The following DUSP8 variants were observed in gnomAD, a reference collection of about 807,000 sequenced individuals.
DUSP8 encodes the protein dual specificity protein phosphatase 8.
In DUSP8, 15 loss-of-function variants were observed where a neutral mutation model predicts 38.7. The observed-to-expected ratio is 0.39, with a 90% CI of 0.26 to 0.60. The LOEUF (loss-of-function observed/expected upper bound fraction) is 0.60. Ranked by LOEUF, DUSP8 falls within the 20% of genes least tolerant of loss-of-function variation. The pLI is 0.56. For missense variants in DUSP8, 768 were observed against 915.0 expected (o/e 0.84, Z 2.07); for synonymous variants, 458 against 433.9 (o/e 1.06, Z -0.69).
intron 1 of DUSP8, among the ~76,000 whole-genome samples, chr11:1,569,880 G>A (rs759963606): frequency 1.3e-5 from 2 of 152,166 alleles, no homozygotes; most frequent in Admixed American, 1.3e-4. Flanking sequence ...GGCAGAAATC[G>A]TCACACTAAG....
Position 1,555,896 on chromosome 11 carries a change from C to T in DUSP8, c.*622G>A, listed in dbSNP as rs1848613886. 1 of 152,396 alleles carries T rather than the reference C, an allele frequency of 6.6e-6. No homozygotes were observed. Among genetic ancestry groups the T allele is most frequent in the East Asian group, 1.9e-4 (1 of 5,172 alleles). The allele number at this position is 152,396 out of a possible 1,614,324, so 9.4% of individuals were successfully genotyped here. A position where few individuals can be genotyped will look rare whatever the true frequency, so the allele number is the denominator to read the frequency against. On this transcript the variant is annotated 3_prime_UTR_variant, in exon 7 of 7. Coordinates refer to ENST00000397374, the MANE Select transcript of DUSP8 (RefSeq NM_004420.3). Reference sequence around the variant, plus strand: ...GGCACCATGAAGCCCAATGCCTGTCCTCCCCTGCCAGAGAACAGCTCTGGG... The same window carrying T: ...GGCACCATGAAGCCCAATGCCTGTCTTCCCCTGCCAGAGAACAGCTCTGGG...
intron 1 of DUSP8, among the ~76,000 whole-genome samples, chr11:1,570,149 G>A (rs879876531): frequency 2.0e-5 from 3 of 152,210 alleles, no homozygotes; most frequent in Non-Finnish European, 4.4e-5. Flanking sequence ...GCAGGGCAGG[G>A]GATGGGAGGA....
Position 1,563,864 on chromosome 11 carries a change from C to A in DUSP8, c.357G>T (p.Val119=). The change falls in exon 3 of 7, where the codon GTG becomes GTT. Residue 119 remains valine (V), a synonymous_variant. Transcript: ENST00000397374. Reference sequence around the variant, plus strand: ...TCATGGACTCACCAGTGAGGATGGCCACGCTGTCGAAGCAGCCGTCCAGCT... The same window carrying A: ...TCATGGACTCACCAGTGAGGATGGCAACGCTGTCGAAGCAGCCGTCCAGCT... The part of the protein sequence containing the change: ...LSKLDGCFDS[V]AILTGGFATF... 6.5e-7 allele frequency: 1 copy of A among 1,534,932 alleles called. No individual in the cohort carries two copies. Among genetic ancestry groups the A allele is most frequent in the African/African-American group, 1.4e-5 (1 of 72,962 alleles).
chr11:1,557,298 C>T lies in DUSP8; in HGVS notation c.1098G>A (p.Ala366=), dbSNP rs917316720. Residue 366 remains alanine (A), a synonymous_variant, in exon 7 of 7, where the codon GCG becomes GCA. Transcript: ENST00000397374. This position sits in a 1 kb window ranked among gnomAD's most constrained non-coding sequence, Gnocchi z 9.9. ...GCAGGCCCTGCTGCAGTGCGCTGGT[C>T]GCCGGGGGCGTGGGGGGCGCGGGGG... The part of the protein sequence containing the change: ...GEPPAPPTPP[A]TSALQQGLRG... The T allele has an allele frequency of 3.4e-6, 5 of 1,470,078 alleles. No individual in the cohort carries two copies. Among genetic ancestry groups the T allele is most frequent in the African/African-American group, 3.0e-5 (2 of 67,346 alleles). The allele number at this position is 1,470,078 out of a possible 1,614,324, so 91.1% of individuals were successfully genotyped here.
intron 1 of DUSP8, chr11:1,571,448 C>G (rs1590810658): frequency 6.6e-6 from 1 of 152,258 alleles, no homozygotes; most frequent in East Asian, 1.9e-4. Flanking sequence ...GCCGTCGCGT[C>G]CCTCCCACGG....
chr11:1,557,056 G>A lies in DUSP8; in HGVS notation c.1340C>T (p.Pro447Leu), dbSNP rs1439407948. The part of the protein sequence containing the change: ...SPSPDSPDAA[P>L]EARPRPRRRP... ...CCGGCGGGGCCGTGGGCGCGCCTCA[G>A]GCGCGGCGTCCGGGCTGTCCGGGCT... The change falls in exon 7 of 7, where the codon CCT (proline) becomes CTT (leucine). Residue 447 changes from proline (P) to leucine (L), a missense_variant. This residue lies in a region of DUSP8 where 474 missense variants were observed against 430.8 expected (regional missense o/e 1.10). Coordinates refer to ENST00000397374, the MANE Select transcript of DUSP8 (RefSeq NM_004420.3). This position sits in a 1 kb window ranked among gnomAD's most constrained non-coding sequence, Gnocchi z 9.9. 5 of 1,165,700 alleles carry A rather than the reference G, an allele frequency of 4.3e-6. No homozygotes were observed. In the African/African-American group the frequency reaches 4.9e-5, roughly 11 times the overall value. 72.2% of individuals were successfully genotyped at this position (1,165,700 alleles called of 1,614,324 possible).
intron 1 of DUSP8, among the ~76,000 whole-genome samples, chr11:1,566,201 G>A (rs1408962061): frequency 6.6e-6 from 1 of 152,100 alleles, no homozygotes; most frequent in Non-Finnish European, 1.5e-5. Context: ...GGGCCCTGGG[G>A]TTCACGGACC....
intron 1 of DUSP8, among the ~76,000 whole-genome samples, chr11:1,568,064 G>A (rs1231191545): frequency 3.3e-5 from 5 of 152,316 alleles, no homozygotes; most frequent in East Asian, 1.9e-4. Context: ...CCAGAACCCC[G>A]AGAAGGCTGC....
At position 1,558,036 on chromosome 11, in the gene DUSP8, C is replaced by G; in HGVS notation, c.697+76G>C. ...AGTTCCGGCTACTTCCTGGGGACCC[C>G]TCCTGTGTCTGTGGCCACACACAGC... On this transcript the variant is annotated intron_variant, in intron 5 of 6. Coordinates refer to ENST00000397374, the MANE Select transcript of DUSP8 (RefSeq NM_004420.3). The surrounding 1 kb of genome is among the most constrained non-coding windows in gnomAD (Gnocchi z 6.3). 1 of 1,611,202 alleles carries G rather than the reference C, an allele frequency of 6.2e-7. No individual in the cohort carries two copies. The highest frequency in any genetic ancestry group is 1.1e-5 in the South Asian group (1 of 90,986).
chr11:1,563,910 A>T lies in DUSP8; in HGVS notation c.311T>A (p.Phe104Tyr). 1.9e-6 allele frequency: 3 copies of T among 1,551,064 alleles called. No individual in the cohort carries two copies. Among genetic ancestry groups the T allele is most frequent in the Non-Finnish European group, 2.6e-6 (3 of 1,147,310 alleles). ...CAGCTTGCTCAGCAGGATGGAGAGG[A>T]AGCTGTCTGCGGCCAGCACGCTGGC... is the stretch of plus-strand genomic sequence containing the variant. ...RDASVLAADS[F>Y]LSILLSKLDG... is the part of the protein sequence containing the mutation. Residue 104 changes from phenylalanine to tyrosine, a missense_variant, in exon 3 of 7, where the codon TTC becomes TAC. Coordinates refer to ENST00000397374, the MANE Select transcript of DUSP8 (RefSeq NM_004420.3).
chr11:1,569,949 C>T (rs1331087246), intron 1 of DUSP8, among the ~76,000 whole-genome samples: 4 of 152,206 alleles, frequency 2.6e-5, no homozygotes, highest in Non-Finnish European at 5.9e-5. Context: ...TGCACTCACA[C>T]AGGTCAGCTC....
chr11:1,568,214 G>T (rs574720618), intron 1 of DUSP8, among the ~76,000 whole-genome samples: 3 of 152,188 alleles, frequency 2.0e-5, no homozygotes, highest in African/African-American at 7.2e-5. Context: ...GAGGGCAGGT[G>T]TGAGGAGAGG....
At chr11:1,564,543 G>A (rs940642799) in intron 2 of DUSP8, among the ~76,000 whole-genome samples, 6 of 152,142 alleles carry the variant, frequency 3.9e-5, no homozygotes, top group African/African-American at 1.4e-4. Context: ...GGCAGCAGCT[G>A]GAAGCTGGGT....
chr11:1,565,507 G>T, intron 2 of DUSP8, 89 bp downstream of exon 2: 1 of 1,053,638 alleles, frequency 9.5e-7, no homozygotes, highest in Non-Finnish European at 1.4e-6. Flanking sequence ...GGACTGGAAG[G>T]CAGAGGAGGG....
intron 1 of DUSP8, among the ~76,000 whole-genome samples, chr11:1,567,050 C>G (rs188097875): frequency 6.6e-6 from 1 of 152,136 alleles, no homozygotes; most frequent in East Asian, 1.9e-4. Flanking sequence ...ATGGGGAAAC[C>G]GAGGCTTGGG....
rs566527963 is a variant in DUSP8 at position 1,559,229 on chromosome 11, C to T, written c.371-174G>A. On this transcript the variant is annotated intron_variant, in intron 3 of 6. Coordinates refer to ENST00000397374, the MANE Select transcript of DUSP8 (RefSeq NM_004420.3). Reference sequence around the variant, plus strand: ...TCTGGCGGAGCACCTGCTCTGCCCGCGGTGGGGGGAGGGGGTACTGCCACA... The same window carrying T: ...TCTGGCGGAGCACCTGCTCTGCCCGTGGTGGGGGGAGGGGGTACTGCCACA... The T allele has an allele frequency of 7.5e-4, 431 of 574,158 alleles. 3 individuals are homozygous for T. The African/African-American group carries it at 7.6e-3, about 10-fold the overall frequency. 35.6% of individuals were successfully genotyped at this position (574,158 alleles called of 1,614,324 possible). A position where few individuals can be genotyped will look rare whatever the true frequency, so the allele number is the denominator to read the frequency against.
Position 1,557,139 on chromosome 11 carries a change from G to T in DUSP8, c.1257C>A (p.Ala419=). ...GGCTGTCCAGCTTGCAGAGCTTCGGGGCCTCGCCGGGGTCGGGGGGCCCGG... is the reference window on the plus strand; with the variant it reads ...GGCTGTCCAGCTTGCAGAGCTTCGGTGCCTCGCCGGGGTCGGGGGGCCCGG... ...DGPGPPDPGE[A]PKLCKLDSPS... is the part of the protein sequence containing the mutation. The change falls in exon 7 of 7, where the codon GCC becomes GCA. Residue 419 remains alanine, a synonymous_variant. Coordinates refer to ENST00000397374, the MANE Select transcript of DUSP8 (RefSeq NM_004420.3). This position sits in a 1 kb window ranked among gnomAD's most constrained non-coding sequence, Gnocchi z 9.9. 1.4e-6 allele frequency: 2 copies of T among 1,424,064 alleles called. No homozygotes were observed. The highest frequency in any genetic ancestry group is 1.8e-6 in the Non-Finnish European group (2 of 1,097,562). 88.2% of individuals were successfully genotyped at this position (1,424,064 alleles called of 1,614,324 possible).
chr11:1,558,847 C>A lies in DUSP8; in HGVS notation c.537+42G>T, dbSNP rs1439118646. 1 of 1,568,574 alleles carries A rather than the reference C, an allele frequency of 6.4e-7. No individual in the cohort carries two copies. The highest frequency in any genetic ancestry group is 8.7e-7 in the Non-Finnish European group (1 of 1,153,926). On this transcript the variant is annotated intron_variant, in intron 4 of 6. Transcript: ENST00000397374. The surrounding 1 kb of genome is among the most constrained non-coding windows in gnomAD (Gnocchi z 6.3). Reference sequence around the variant, plus strand: ...CCAAGCTGCTTCTGGAGCTCCTGCCCCTTTCCCATTGACCACCCCCCGAAC... The same window carrying A: ...CCAAGCTGCTTCTGGAGCTCCTGCCACTTTCCCATTGACCACCCCCCGAAC...
intron 2 of DUSP8, among the ~76,000 whole-genome samples, chr11:1,564,994 C>T (rs947022060): frequency 6.6e-6 from 1 of 152,246 alleles, no homozygotes; most frequent in African/African-American, 2.4e-5. Flanking sequence ...GGTCCCTCCC[C>T]AGCTGCACCT....
Sources: allele counts gnomAD v4.1 joint callset (sites outside exome capture counted in the v4.1 genomes callset), GRCh38; gene constraint gnomAD v4.1.1; regional missense constraint gnomAD v4.1.1; non-coding constraint Gnocchi (gnomAD v3.1); transcripts MANE v1.5; gene names NCBI Gene and HGNC (gene_info 2026-07-23, HGNC 2026-07-21).